Variants in SKAP2 observed in about 807,000 individuals in gnomAD.
SKAP2 encodes src kinase associated phosphoprotein 2, also known as src kinase-associated phosphoprotein 2.
In SKAP2, 28 loss-of-function variants were observed where a neutral mutation model predicts 54.9. That is an observed-to-expected ratio of 0.51 (90% confidence interval 0.38 to 0.70). The LOEUF is 0.70. Ranked by LOEUF, SKAP2 falls within the 30% of genes least tolerant of loss-of-function variation. The pLI is 0.00. For missense variants in SKAP2, 356 were observed against 424.1 expected, an observed-to-expected ratio of 0.84 and a Z score of 1.41; for synonymous variants, 137 against 134.3, an observed-to-expected ratio of 1.02 and a Z score of -0.14.
chr7:26,757,185 C>T (rs1043664354), intron 4 of SKAP2, among the ~76,000 whole-genome samples: 2 of 152,126 alleles, frequency 1.3e-5, no homozygotes, highest in Non-Finnish European at 2.9e-5. Flanking sequence ...AATTAGATCC[C>T]ATTTGTCAAT....
chr7:26,719,299 C>T (rs1210863717), intron 9 of SKAP2, among the ~76,000 whole-genome samples: 2 of 152,154 alleles, frequency 1.3e-5, no homozygotes, highest in African/African-American at 4.8e-5. Context: ...TTCACGGATC[C>T]CCTTGGAGGG....
intron 4 of SKAP2, among the ~76,000 whole-genome samples, chr7:26,793,427 TG>T (rs948101817): frequency 1.3e-5 from 2 of 152,186 alleles, no homozygotes; most frequent in Non-Finnish European, 2.9e-5. Flanking sequence ...CCACAGTTTG[TG>T]GAAGGACTGA....
chr7:26,759,709 A>G (rs1354314260), intron 4 of SKAP2, among the ~76,000 whole-genome samples: 1 of 152,196 alleles, frequency 6.6e-6, no homozygotes, highest in Non-Finnish European at 1.5e-5. Context: ...TCCTTGGGAA[A>G]TAGATCACTA....
intron 4 of SKAP2, among the ~76,000 whole-genome samples, chr7:26,821,331 T>C (rs1424181875): frequency 5.3e-5 from 8 of 151,844 alleles, no homozygotes; most frequent in Non-Finnish European, 1.0e-4. Flanking sequence ...CCAAAGAAAA[T>C]GACCAAGATA....
intron 1 of SKAP2, chr7:26,857,315 A>AAAAAAAAAAAAAAAAAAAAAAC: frequency 4.8e-6 from 1 of 206,720 alleles, no homozygotes; most frequent in South Asian, 1.7e-4. Context: ...TTGCTTAAAA[A>AAAAAAAAAAAAAAAAAAAAAAC]AAAAAAAAAA....
At chr7:26,810,638 A>G (rs1784122734) in intron 4 of SKAP2, among the ~76,000 whole-genome samples, 2 of 152,186 alleles carry the variant, frequency 1.3e-5, no homozygotes, top group African/African-American at 2.4e-5. Context: ...ATGTATACAC[A>G]TATCAAAACA....
At chr7:26,806,488 G>A (rs1248707531) in intron 4 of SKAP2, among the ~76,000 whole-genome samples, 1 of 152,156 alleles carries the variant, frequency 6.6e-6, no homozygotes. Context: ...GGTAGGAGAA[G>A]CCCTTGAGCC....
intron 4 of SKAP2, among the ~76,000 whole-genome samples, chr7:26,759,855 T>G (rs998605397): frequency 6.6e-6 from 1 of 152,108 alleles, no homozygotes; most frequent in Non-Finnish European, 1.5e-5. Context: ...AGAGAACCAT[T>G]TAAAGAATTC....
At chr7:26,822,647 G>A (rs905907780) in intron 4 of SKAP2, among the ~76,000 whole-genome samples, 5 of 151,268 alleles carry the variant, frequency 3.3e-5, no homozygotes, top group Admixed American at 1.3e-4. Context: ...AGGCCAAGGC[G>A]GGTGGATCAC....
intron 3 of SKAP2, among the ~76,000 whole-genome samples, chr7:26,847,747 T>G (rs755708375): frequency 8.5e-5 from 13 of 152,176 alleles, no homozygotes; most frequent in Non-Finnish European, 1.6e-4. Context: ...ATAGCATAAA[T>G]TTTGCATCTC....
chr7:26,770,039 A>C (rs1177474586), intron 4 of SKAP2, among the ~76,000 whole-genome samples: 1 of 151,466 alleles, frequency 6.6e-6, no homozygotes, highest in Non-Finnish European at 1.5e-5. Flanking sequence ...AAGTCTGCTG[A>C]AGCTGTGCCC....
At chr7:26,770,085 G>T (rs781647732) in intron 4 of SKAP2, among the ~76,000 whole-genome samples, 8 of 152,202 alleles carry the variant, frequency 5.3e-5, no homozygotes, top group Non-Finnish European at 7.3e-5. Flanking sequence ...CTATCCCAGG[G>T]AGATGGGAGA....
chr7:26,804,335 T>G (rs1212888427), intron 4 of SKAP2, among the ~76,000 whole-genome samples: 2 of 152,202 alleles, frequency 1.3e-5, no homozygotes, highest in Non-Finnish European at 2.9e-5. Context: ...CCTTTCTAAC[T>G]CTATACTTCT....
intron 4 of SKAP2, among the ~76,000 whole-genome samples, chr7:26,782,398 C>A: frequency 6.6e-6 from 1 of 152,020 alleles, no homozygotes; most frequent in Non-Finnish European, 1.5e-5. Context: ...TTGTTTTTAC[C>A]TTTAAAAAGT....
At chr7:26,678,820 C>T (rs1054382024) in intron 11 of SKAP2, among the ~76,000 whole-genome samples, 13 of 152,080 alleles carry the variant, frequency 8.5e-5, no homozygotes, top group African/African-American at 2.9e-4. Context: ...GACTCTAAAA[C>T]TTTTCTTAAT....
intron 4 of SKAP2, among the ~76,000 whole-genome samples, chr7:26,769,684 T>C (rs1384751860): frequency 6.6e-6 from 1 of 152,166 alleles, no homozygotes; most frequent in Non-Finnish European, 1.5e-5. Context: ...TGCTTTCTGT[T>C]TGTTAGTTTT....
intron 3 of SKAP2, among the ~76,000 whole-genome samples, chr7:26,845,645 T>G (rs371265120): frequency 6.6e-5 from 10 of 152,146 alleles, no homozygotes; most frequent in East Asian, 5.8e-4. Context: ...AAAAGAAGAG[T>G]GCTAGGCTGG....
intron 9 of SKAP2, among the ~76,000 whole-genome samples, chr7:26,695,413 C>T (rs1028511587): frequency 2.0e-5 from 3 of 152,124 alleles, no homozygotes; most frequent in African/African-American, 7.2e-5. Flanking sequence ...ATTATAAGTA[C>T]TTTTATCATC....
At chr7:26,691,433 A>G (rs746665088) in intron 9 of SKAP2, among the ~76,000 whole-genome samples, 4 of 152,258 alleles carry the variant, frequency 2.6e-5, no homozygotes, top group Non-Finnish European at 5.9e-5. Flanking sequence ...TAATTTCAAG[A>G]AAACTCCTAA....
Sources: allele counts gnomAD v4.1 joint callset (sites outside exome capture counted in the v4.1 genomes callset), GRCh38; gene constraint gnomAD v4.1.1; transcripts MANE v1.5; gene names NCBI Gene and HGNC (gene_info 2026-07-23, HGNC 2026-07-21).